UBE2U: variants seen among roughly 807,000 people sequenced by gnomAD.
UBE2U encodes the protein ubiquitin-conjugating enzyme E2 U.
UBE2U carries 39 observed loss-of-function variants against 41.2 expected under a neutral mutation model. The ratio of observed to expected loss-of-function variants is 0.95; its 90% CI spans 0.73 to 1.24. The LOEUF is 1.24. UBE2U is among the 50% of genes most tolerant of loss of function. UBE2U has a pLI of 0.00. For synonymous variants in UBE2U, 107 were observed against 117.8 expected (o/e 0.91, Z 0.60); for missense variants, 336 against 363.1 (o/e 0.93, Z 0.61).
chr1:64,236,479 C>T (rs1644669844), intron 7 of UBE2U, among the ~76,000 whole-genome samples: 2 of 152,224 alleles, frequency 1.3e-5, no homozygotes, highest in African/African-American at 2.4e-5. Context: ...CAAGGATCCA[C>T]TGTTCTCTCT....
In UBE2U at chr1:64,205,720, G is replaced by T. The variant is rs754709262; in HGVS notation, c.148G>T (p.Gly50Cys). The T allele has an allele frequency of 1.2e-6, 2 of 1,609,820 alleles. No homozygotes were observed. Among genetic ancestry groups the T allele is most frequent in the South Asian group, 1.1e-5 (1 of 90,186 alleles). ...IEGLQNSVWQ[G>C]LVFQLTIHFT... is the part of the protein sequence containing the mutation. The stretch of plus-strand genomic sequence containing the variant: ...AGGTCTACAGAATTCAGTTTGGCAG[G>T]GTTTGTATTTTCAAAACCAATCTAT... Residue 50 changes from glycine to cysteine, a missense_variant and splice_region_variant, in exon 2 of 10, where the codon GGT becomes TGT. Physicochemically the swap from Gly to Cys is radical, Grantham distance 159. Transcript: ENST00000371077.
chr1:64,247,216 C>T (rs1404167358), intron 8 of UBE2U, among the ~76,000 whole-genome samples: 1 of 151,976 alleles, frequency 6.6e-6, no homozygotes, highest in Non-Finnish European at 1.5e-5. Flanking sequence ...TAATTCATTC[C>T]ATCAATTTCT....
chr1:64,232,718 C>G, intron 7 of UBE2U, 69 bp downstream of exon 7: 1 of 1,304,814 alleles, frequency 7.7e-7, no homozygotes, highest in Middle Eastern at 1.9e-4. Flanking sequence ...ATCTTGGTTT[C>G]AAAGACTAAT....
intron 3 of UBE2U, among the ~76,000 whole-genome samples, chr1:64,207,720 T>C (rs192744477): frequency 1.6e-4 from 24 of 152,282 alleles, no homozygotes; most frequent in Non-Finnish European, 3.4e-4. Flanking sequence ...AAGAAGGAAA[T>C]CTAATAGAAT....
intron 8 of UBE2U, among the ~76,000 whole-genome samples, chr1:64,256,911 G>GA (rs139520292): frequency 0.19 from 27,404 of 148,054 alleles, 2,941 homozygotes; most frequent in Non-Finnish European, 0.25. Context: ...AAATTTACAG[G>GA]AAAAAAAAAA....
chr1:64,250,898 C>T (rs1345979086), intron 8 of UBE2U, among the ~76,000 whole-genome samples: 6 of 136,046 alleles, frequency 4.4e-5, no homozygotes, highest in Admixed American at 3.5e-4. Flanking sequence ...GAACATCACA[C>T]ACCAAGGCCT....
Position 64,206,912 on chromosome 1 carries a change from T to G in UBE2U, c.241+56T>G, listed in dbSNP as rs554903504. 1.4e-5 allele frequency: 14 copies of G among 991,372 alleles called. No individual in the cohort carries two copies. The South Asian group carries it at 2.1e-4, about 15-fold the overall frequency. The allele number at this position is 991,372 out of a possible 1,614,324, so 61.4% of individuals were successfully genotyped here. On this transcript the variant is annotated intron_variant, in intron 3 of 9. Coordinates refer to ENST00000371077, the MANE Select transcript of UBE2U (RefSeq NM_001366232.2). ...AGGCTTTGTCCCTATTATCCTTGTT[T>G]CTTATAATAATCATGTTTCTTTTTA...
At chr1:64,220,743 A>G (rs780024549) in intron 5 of UBE2U, 116 bp from the exon 6 acceptor site, 4 of 819,926 alleles carry the variant, frequency 4.9e-6, no homozygotes, top group East Asian at 2.9e-5. Flanking sequence ...TTGAGATTTT[A>G]TATCTTATTT....
chr1:64,239,074 G>GGAGGAAGAAGAA (rs1644731320), intron 7 of UBE2U, among the ~76,000 whole-genome samples: 2 of 62,724 alleles, frequency 3.2e-5, no homozygotes, highest in Non-Finnish European at 6.0e-5. Context: ...AAGAGGAAGA[G>GGAGGAAGAAGAA]GAAGAGGAAG....
At chr1:64,239,130 A>AGG (rs1644754959) in intron 7 of UBE2U, among the ~76,000 whole-genome samples, 2 of 23,178 alleles carry the variant, frequency 8.6e-5, no homozygotes, top group African/African-American at 4.1e-4. Flanking sequence ...GAAGAAGAAG[A>AGG]AGAAGAAGAA....
chr1:64,260,542 G>T, intron 8 of UBE2U, 61 bp from the exon 9 acceptor site: 1 of 1,275,588 alleles, frequency 7.8e-7, no homozygotes, highest in Non-Finnish European at 1.1e-6. Flanking sequence ...ATTTTTCTCA[G>T]AAGTAAATAT....
chr1:64,214,762 G>C (rs1651879194), intron 4 of UBE2U, 53 bp from the exon 5 acceptor site: 1 of 1,420,966 alleles, frequency 7.0e-7, no homozygotes, highest in South Asian at 1.2e-5. Context: ...TTGTCGTTTT[G>C]CTCTAAAAAA....
At chr1:64,238,212 C>T (rs559997548) in intron 7 of UBE2U, among the ~76,000 whole-genome samples, 1 of 152,196 alleles carries the variant, frequency 6.6e-6, no homozygotes, top group African/African-American at 2.4e-5. Flanking sequence ...TGAGACCAGC[C>T]TGGCCAACAT....
chr1:64,234,785 A>G (rs1472400682), intron 7 of UBE2U, among the ~76,000 whole-genome samples: 2 of 152,174 alleles, frequency 1.3e-5, no homozygotes, highest in Non-Finnish European at 2.9e-5. Flanking sequence ...AGTGCTGCCT[A>G]GTCAATTCAG....
intron 6 of UBE2U, among the ~76,000 whole-genome samples, chr1:64,222,690 G>A (rs1350537380): frequency 6.6e-6 from 1 of 152,226 alleles, no homozygotes; most frequent in East Asian, 1.9e-4. Context: ...GCTCAGTTAT[G>A]TCTAGTTCTT....
intron 1 of UBE2U, among the ~76,000 whole-genome samples, chr1:64,205,389 C>T (rs2644498): frequency 0.69 from 105,187 of 152,064 alleles, 36,764 homozygotes; most frequent in Non-Finnish European, 0.72. Flanking sequence ...AATCTTGACT[C>T]TCTAGTCCCA....
chr1:64,227,923 TAAA>T (rs1374202190), intron 6 of UBE2U, among the ~76,000 whole-genome samples: 4 of 152,064 alleles, frequency 2.6e-5, no homozygotes, highest in Non-Finnish European at 5.9e-5. Flanking sequence ...TTAAAAGACT[TAAA>T]GAAGTAGAAA....
In UBE2U at chr1:64,267,217, T is replaced by G. The variant is rs1249851273; in HGVS notation, c.*9T>G. 1 of 1,482,400 alleles carries G rather than the reference T, an allele frequency of 6.7e-7. No individual in the cohort carries two copies. Among genetic ancestry groups the G allele is most frequent in the Non-Finnish European group, 8.9e-7 (1 of 1,118,246 alleles). 91.8% of individuals were successfully genotyped at this position (1,482,400 alleles called of 1,614,324 possible). ...ATACTTCAGAAGATTAAGCAGAACA[T>G]TATCAGATTCAAAAAATAAACAGCC... On this transcript the variant is annotated 3_prime_UTR_variant, in exon 10 of 10. Coordinates refer to ENST00000371077, the MANE Select transcript of UBE2U (RefSeq NM_001366232.2).
At chr1:64,212,058 T>C (rs1216720988) in intron 4 of UBE2U, among the ~76,000 whole-genome samples, 2 of 152,174 alleles carry the variant, frequency 1.3e-5, no homozygotes, top group African/African-American at 2.4e-5. Context: ...CTAAGTAAAA[T>C]ATAATCTTTA....
Sources: allele counts gnomAD v4.1 joint callset (sites outside exome capture counted in the v4.1 genomes callset), GRCh38; gene constraint gnomAD v4.1.1; transcripts MANE v1.5; gene names NCBI Gene and HGNC (gene_info 2026-07-23, HGNC 2026-07-21).